Variants in LGSN observed in about 807,000 individuals in gnomAD.
LGSN encodes lengsin, lens protein with glutamine synthetase domain, also known as lengsin.
A neutral mutation model predicts 19.5 loss-of-function variants in LGSN; 21 were observed. That is an observed-to-expected ratio of 1.07 (90% CI 0.76 to 1.55). LGSN has a LOEUF of 1.55. Ranked by LOEUF, LGSN falls within the 40% of genes most tolerant of loss-of-function variation. The probability of loss-of-function intolerance (pLI) is 0.00; values close to 1 mark genes in which losing one functional copy is unlikely to be tolerated. For missense variants in LGSN, 673 were observed against 608.5 expected (o/e 1.11, Z -1.12); for synonymous variants, 257 against 215.6 (o/e 1.19, Z -1.68).
At chr6:63,436,853 T>C in the LGSN span, among the ~76,000 whole-genome samples, 1 of 149,850 alleles carries the variant, frequency 6.7e-6, no homozygotes, top group African/African-American at 2.4e-5. Flanking sequence ...CTGAGCGAAA[T>C]GGTGAAACCC....
chr6:63,424,056 A>T, the LGSN span, among the ~76,000 whole-genome samples: 2 of 152,160 alleles, frequency 1.3e-5, no homozygotes, highest in Admixed American at 1.3e-4. Flanking sequence ...AAAACGAAAG[A>T]AAGAAAGAAA....
At chr6:63,412,772 G>GAAAGAAAGAGAAAGAAAGA in the LGSN span, among the ~76,000 whole-genome samples, 313 of 41,174 alleles carry the variant, frequency 7.6e-3, 34 homozygotes, top group African/African-American at 0.026. Context: ...AGAAAGAAAG[G>GAAAGAAAGAGAAAGAAAGA]AAGGAAGGGA....
chr6:63,429,059 C>A, the LGSN span, among the ~76,000 whole-genome samples: 107 of 152,260 alleles, frequency 7.0e-4, no homozygotes, highest in African/African-American at 2.5e-3. Flanking sequence ...AAAACCAAGT[C>A]TTTGCTAGAC....
the LGSN span, among the ~76,000 whole-genome samples, chr6:63,412,452 AAG>A: frequency 1.4e-5 from 2 of 138,274 alleles, no homozygotes; most frequent in African/African-American, 3.1e-5. Flanking sequence ...GCAAGAAAGA[AAG>A]AAAGAAAGAA....
chr6:63,337,554 C>A, the LGSN span, among the ~76,000 whole-genome samples: 4 of 151,846 alleles, frequency 2.6e-5, no homozygotes, highest in Non-Finnish European at 5.9e-5. Flanking sequence ...TGTAATCCAG[C>A]ACTTTAGGAG....
chr6:63,395,170 AG>A, the LGSN span: 1 of 152,356 alleles, frequency 6.6e-6, no homozygotes, highest in African/African-American at 2.4e-5. Flanking sequence ...CCAGTTCTTA[AG>A]AATAGCATGG....
chr6:63,549,146 T>C, the LGSN span: 18 of 686,242 alleles, frequency 2.6e-5, no homozygotes, highest in African/African-American at 1.8e-4. Context: ...TGCCAGCAGC[T>C]TTCTTTTTGG....
chr6:63,459,828 C>T, the LGSN span, among the ~76,000 whole-genome samples: 7 of 152,168 alleles, frequency 4.6e-5, no homozygotes, highest in African/African-American at 1.4e-4. Context: ...GAAGGAGAAT[C>T]GCTTGAACCC....
At chr6:63,464,536 T>A in the LGSN span, among the ~76,000 whole-genome samples, 2,074 of 149,170 alleles carry the variant, frequency 0.014, 22 homozygotes, top group South Asian at 0.029. Context: ...GGAAAAAATA[T>A]ATATATATAT....
the LGSN span, among the ~76,000 whole-genome samples, chr6:63,479,887 G>C: frequency 6.0e-4 from 91 of 152,228 alleles, no homozygotes; most frequent in African/African-American, 2.1e-3. Flanking sequence ...ATCAGCAATT[G>C]TTTATCAAGC....
At chr6:63,511,002 T>C in the LGSN span, among the ~76,000 whole-genome samples, 81,341 of 151,738 alleles carry the variant, frequency 0.54, 23,609 homozygotes, top group African/African-American at 0.77. Flanking sequence ...GAGGAGCAGC[T>C]AGACAGATAA....
the LGSN span, among the ~76,000 whole-genome samples, chr6:63,374,419 C>T: frequency 1.3e-5 from 2 of 152,314 alleles, no homozygotes; most frequent in South Asian, 4.1e-4. Flanking sequence ...AACGCCACTA[C>T]AGCACCTTTG....
chr6:63,560,210 C>T, the LGSN span, among the ~76,000 whole-genome samples: 1 of 151,112 alleles, frequency 6.6e-6, no homozygotes, highest in Non-Finnish European at 1.5e-5. Context: ...TGGTGGCAAG[C>T]GCCTGTAATC....
chr6:63,566,094 A>C, the LGSN span, among the ~76,000 whole-genome samples: 2 of 152,246 alleles, frequency 1.3e-5, no homozygotes, highest in East Asian at 3.8e-4. Context: ...AAAAATGTAC[A>C]TACCTGTTTT....
chr6:63,501,349 C>G, the LGSN span, among the ~76,000 whole-genome samples: 1 of 127,492 alleles, frequency 7.8e-6, no homozygotes, highest in Non-Finnish European at 1.6e-5. Flanking sequence ...GCGACAAGAA[C>G]AAAACTTCGT....
At chr6:63,360,452 C>T in the LGSN span, among the ~76,000 whole-genome samples, 1 of 152,192 alleles carries the variant, frequency 6.6e-6, no homozygotes, top group Non-Finnish European at 1.5e-5. Context: ...TTGATCGAAT[C>T]GGCTACTGAG....
chr6:63,307,714 A>T (rs113223848), intron 1 of LGSN, among the ~76,000 whole-genome samples: 56 of 152,298 alleles, frequency 3.7e-4, no homozygotes, highest in African/African-American at 1.3e-3. Flanking sequence ...AGCCACAAAT[A>T]TTGCCTGGGC....
At chr6:63,518,154 CAAA>C in the LGSN span, among the ~76,000 whole-genome samples, 6 of 62,096 alleles carry the variant, frequency 9.7e-5, no homozygotes, top group Admixed American at 1.9e-4. Flanking sequence ...ACTCCGTCTC[CAAA>C]AAAAAAAAAA....
intron 1 of LGSN, 91 bp from the exon 2 acceptor site, chr6:63,295,136 T>C: frequency 8.5e-7 from 1 of 1,180,336 alleles, no homozygotes; most frequent in Non-Finnish European, 1.2e-6. Context: ...ATAGCTCAAT[T>C]TTTTAATGAG....
Sources: allele counts gnomAD v4.1 joint callset (sites outside exome capture counted in the v4.1 genomes callset), GRCh38; gene constraint gnomAD v4.1.1; transcripts MANE v1.5; gene names NCBI Gene and HGNC (gene_info 2026-07-23, HGNC 2026-07-21).